SMYD3: variants seen among roughly 807,000 people sequenced by gnomAD.
The protein encoded by SMYD3 is histone-lysine N-methyltransferase SMYD3.
A neutral mutation model predicts 57.7 loss-of-function variants in SMYD3; 36 were observed. The ratio of observed to expected loss-of-function variants is 0.62; its 90% CI spans 0.48 to 0.82. The LOEUF (loss-of-function observed/expected upper bound fraction) is 0.82. SMYD3 is among the 40% of genes least tolerant of loss of function. SMYD3 has a pLI of 0.00. For synonymous variants in SMYD3, 211 were observed against 195.0 expected, an observed-to-expected ratio of 1.08 and a Z score of -0.68; for missense variants, 515 against 538.8, an observed-to-expected ratio of 0.96 and a Z score of 0.44.
At chr1:245,953,725 G>A (rs1233775038) in intron 5 of SMYD3, among the ~76,000 whole-genome samples, 1 of 152,072 alleles carries the variant, frequency 6.6e-6, no homozygotes, top group Non-Finnish European at 1.5e-5. Context: ...GGCCAAGTAG[G>A]GTTCAGTTTT....
chr1:246,431,782 C>T (rs578138907), intron 1 of SMYD3, among the ~76,000 whole-genome samples: 2 of 152,236 alleles, frequency 1.3e-5, no homozygotes, highest in African/African-American at 4.8e-5. Flanking sequence ...ATCTGCTATA[C>T]AAATTACTCT....
intron 1 of SMYD3, among the ~76,000 whole-genome samples, chr1:246,414,420 C>T (rs1310361379): frequency 1.3e-5 from 2 of 152,166 alleles, no homozygotes; most frequent in East Asian, 3.9e-4. Context: ...ACATGGGACA[C>T]AGAGGAGGGT....
At chr1:245,951,919 A>T (rs1483365064) in intron 5 of SMYD3, among the ~76,000 whole-genome samples, 1 of 152,158 alleles carries the variant, frequency 6.6e-6, no homozygotes, top group Non-Finnish European at 1.5e-5. Flanking sequence ...TCCCCCCTAC[A>T]TCTAAATGCA....
At chr1:246,108,437 A>T (rs2061169854) in intron 5 of SMYD3, among the ~76,000 whole-genome samples, 1 of 152,194 alleles carries the variant, frequency 6.6e-6, no homozygotes, top group African/African-American at 2.4e-5. Context: ...AATGTTATCA[A>T]CATCCATCCA....
At chr1:246,242,022 G>C (rs113823787) in intron 5 of SMYD3, among the ~76,000 whole-genome samples, 1 of 151,822 alleles carries the variant, frequency 6.6e-6, no homozygotes, top group South Asian at 2.1e-4. Flanking sequence ...CAATTTTGTT[G>C]ATCTTTCCAA....
intron 5 of SMYD3, among the ~76,000 whole-genome samples, chr1:246,231,787 T>C (rs577396866): frequency 6.6e-6 from 1 of 152,000 alleles, no homozygotes; most frequent in Non-Finnish European, 1.5e-5. Flanking sequence ...CAAGATCCAA[T>C]ATAAGTCAAC....
At chr1:246,047,783 T>C (rs1450165151) in intron 5 of SMYD3, among the ~76,000 whole-genome samples, 1 of 151,620 alleles carries the variant, frequency 6.6e-6, no homozygotes, top group African/African-American at 2.4e-5. Context: ...AAGGCTACAG[T>C]GAGCCATGAT....
At chr1:246,259,392 T>A (rs2148517390) in intron 5 of SMYD3, among the ~76,000 whole-genome samples, 1 of 152,330 alleles carries the variant, frequency 6.6e-6, no homozygotes, top group South Asian at 2.1e-4. Context: ...TCTCTTTTCT[T>A]CCTCTATAAT....
chr1:246,157,662 A>G (rs1364149619), intron 5 of SMYD3, among the ~76,000 whole-genome samples: 2 of 151,798 alleles, frequency 1.3e-5, no homozygotes. Flanking sequence ...TCCCCCCCAT[A>G]GGTCAGCTTC....
chr1:246,091,492 CAA>C (rs35295300), intron 5 of SMYD3, among the ~76,000 whole-genome samples: 168 of 124,306 alleles, frequency 1.4e-3, no homozygotes, highest in Middle Eastern at 3.9e-3. Flanking sequence ...AACCTCAGCA[CAA>C]AAAAAAAAAA....
At chr1:245,878,612 C>G (rs1051505975) in intron 8 of SMYD3, among the ~76,000 whole-genome samples, 2 of 152,096 alleles carry the variant, frequency 1.3e-5, no homozygotes, top group African/African-American at 4.8e-5. Context: ...GAGGATGGAG[C>G]AGTAGTGAGG....
In SMYD3 at chr1:245,822,291, G is replaced by A. The variant is rs113921447; in HGVS notation, c.1076+36205C>T. Among the ~76,000 whole-genome samples, 6 of 149,112 alleles carry A rather than the reference G, an allele frequency of 4.0e-5. No homozygotes were observed. In the East Asian group the frequency reaches 7.9e-4, roughly 20 times the overall value. ...AAATCATCATTCTCAGTAAACTATC[G>A]CAAGAACAAAAAACCAAACACCGCA... On this transcript the variant is annotated intron_variant, in intron 10 of 11. Coordinates refer to ENST00000490107, the MANE Select transcript of SMYD3 (RefSeq NM_001167740.2).
intron 10 of SMYD3, among the ~76,000 whole-genome samples, chr1:245,779,680 A>G (rs1018824864): frequency 6.6e-6 from 1 of 152,224 alleles, no homozygotes; most frequent in African/African-American, 2.4e-5. Flanking sequence ...AACTTGTAAG[A>G]TTTTGACAGT....
At chr1:245,838,021 T>C (rs944987611) in intron 10 of SMYD3, among the ~76,000 whole-genome samples, 5 of 152,238 alleles carry the variant, frequency 3.3e-5, no homozygotes, top group Non-Finnish European at 5.9e-5. Flanking sequence ...GTTGAAAATA[T>C]GATCTCTGAC....
At chr1:246,288,299 C>T (rs1395357801) in intron 5 of SMYD3, among the ~76,000 whole-genome samples, 1 of 151,894 alleles carries the variant, frequency 6.6e-6, no homozygotes, top group Non-Finnish European at 1.5e-5. Flanking sequence ...GTCTTGAACT[C>T]CGCCATCAGG....
intron 5 of SMYD3, among the ~76,000 whole-genome samples, chr1:246,209,344 A>G (rs2148388305): frequency 1.3e-5 from 2 of 152,288 alleles, no homozygotes; most frequent in Non-Finnish European, 2.9e-5. Flanking sequence ...AACTAATAAA[A>G]ACCATTAATT....
At chr1:246,358,847 C>T (rs2065946714) in intron 1 of SMYD3, among the ~76,000 whole-genome samples, 3 of 152,264 alleles carry the variant, frequency 2.0e-5, no homozygotes, top group Admixed American at 6.5e-5. Context: ...GCATTAAATG[C>T]CTACATCGAA....
rs140582012 is a variant in SMYD3 at position 246,164,959 on chromosome 1, G to T, written c.531+162242C>A. ...CACAGAGACGGTGAATGAAGCTACA[G>T]GAATCAGTAAGGTAACCCACAGACA... On this transcript the variant is annotated intron_variant, in intron 5 of 11. Coordinates refer to ENST00000490107, the MANE Select transcript of SMYD3 (RefSeq NM_001167740.2). Among the ~76,000 whole-genome samples the T allele has an allele frequency of 3.1e-3, 475 of 152,330 alleles. 2 individuals are homozygous for T. The highest frequency in any genetic ancestry group is 5.7e-3 in the Non-Finnish European group (386 of 68,026).
intron 5 of SMYD3, among the ~76,000 whole-genome samples, chr1:246,106,944 T>C (rs1371453935): frequency 6.6e-6 from 1 of 152,012 alleles, no homozygotes; most frequent in African/African-American, 2.4e-5. Flanking sequence ...TCAAGTAGGG[T>C]TGGTGTGAAC....
Sources: allele counts gnomAD v4.1 joint callset (sites outside exome capture counted in the v4.1 genomes callset), GRCh38; gene constraint gnomAD v4.1.1; transcripts MANE v1.5; gene names NCBI Gene and HGNC (gene_info 2026-07-23, HGNC 2026-07-21).